The following RICTOR variants were observed in gnomAD, a reference collection of about 807,000 sequenced individuals.
RICTOR encodes the protein RPTOR independent companion of MTOR complex 2, also known as rapamycin-insensitive companion of mTOR.
RICTOR carries 49 observed loss-of-function variants against 214.9 expected under a neutral mutation model. The observed-to-expected ratio is 0.23, with a 90% CI of 0.18 to 0.29. The LOEUF (loss-of-function observed/expected upper bound fraction) is 0.29, where lower values mean the gene tolerates loss of function less well. Among genes scored for constraint, RICTOR ranks in the 10% least tolerant of loss-of-function variants. The probability of loss-of-function intolerance (pLI) is 1.00; values close to 1 mark genes in which losing one functional copy is unlikely to be tolerated. For missense variants in RICTOR, 1,625 were observed against 2,047.0 expected (o/e 0.79, Z 3.98); for synonymous variants, 717 against 711.3 (o/e 1.01, Z -0.13).
At chr5:38,974,632 T>C (rs1022669733) in intron 10 of RICTOR, among the ~76,000 whole-genome samples, 2 of 151,952 alleles carry the variant, frequency 1.3e-5, no homozygotes, top group African/African-American at 4.8e-5. Context: ...AAAAAGTATG[T>C]ATGACTGTTG....
At chr5:39,015,571 G>A (rs958587266) in intron 3 of RICTOR, among the ~76,000 whole-genome samples, 11 of 151,700 alleles carry the variant, frequency 7.3e-5, no homozygotes, top group African/African-American at 2.4e-4. Context: ...GGTAGAGGCC[G>A]GGGCAGTGCT....
At position 38,942,347 on chromosome 5, in the gene RICTOR, G is replaced by A. The variant is rs61748204; in HGVS notation, c.5084C>T (p.Thr1695Ile). The A allele has an allele frequency of 0.022, 35,818 of 1,596,302 alleles. 698 individuals are homozygous for A. The highest frequency in any genetic ancestry group is 0.079 in the South Asian group (6,981 of 87,854). The change falls in exon 38 of 38, where the codon ACA becomes ATA. Residue 1695 changes from threonine to isoleucine, a missense_variant. Transcript: ENST00000357387. Reference protein sequence around the residue: ...MHEEAEAVLATPPKQPIVDTS... With the variant: ...MHEEAEAVLAIPPKQPIVDTS... ...ATCAACTATAGGTTGCTTTGGTGGT[G>A]TTGCCAACACAGCCTCTGCTTCTTC...
In RICTOR at chr5:38,944,459, T is replaced by C. The variant is rs1402092115; in HGVS notation, c.4900A>G (p.Thr1634Ala). The change falls in exon 36 of 38, where the codon ACT (threonine) becomes GCT (alanine). Residue 1634 changes from threonine (T) to alanine (A), a missense_variant. Physicochemically the swap from Thr to Ala is moderately conservative, Grantham distance 58 (BLOSUM62 0). Coordinates refer to ENST00000357387, the MANE Select transcript of RICTOR (RefSeq NM_152756.5). Reference protein sequence around the residue: ...SSSVSTKCHETGLLTIKEKYP... With the variant: ...SSSVSTKCHEAGLLTIKEKYP... ...TAGTTTACTCACGTTAAAAGCCCAG[T>C]CTCATGACATTTAGTTGAAACTGAA... 5 of 1,605,190 alleles carry C rather than the reference T, an allele frequency of 3.1e-6. No individual in the cohort carries two copies. In the Admixed American group the frequency reaches 6.9e-5, roughly 22 times the overall value.
At position 39,047,345 on chromosome 5, in the gene RICTOR, G is replaced by C. The variant is rs148257559; in HGVS notation, c.98-26209C>G. On this transcript the variant is annotated intron_variant, in intron 2 of 37. Coordinates refer to ENST00000357387, the MANE Select transcript of RICTOR (RefSeq NM_152756.5). ...ACGACCTAGATCCCTCGCATGTGCAGTTCACAATAGGGTTCATGTTCCTAT... is the reference window on the plus strand; with the variant it reads ...ACGACCTAGATCCCTCGCATGTGCACTTCACAATAGGGTTCATGTTCCTAT... Among the ~76,000 whole-genome samples, 388 of 152,268 alleles carry C rather than the reference G, an allele frequency of 2.5e-3. 4 individuals are homozygous for C. Among genetic ancestry groups the C allele is most frequent in the Middle Eastern group, 0.01 (3 of 294 alleles).
At chr5:38,990,071 CA>C (rs906424820) in intron 7 of RICTOR, among the ~76,000 whole-genome samples, 1 of 152,026 alleles carries the variant, frequency 6.6e-6, no homozygotes, top group African/African-American at 2.4e-5. Context: ...GTTCACAATA[CA>C]AAAGGTTTGG....
At chr5:38,991,167 A>C (rs1580025468) in intron 6 of RICTOR, 92 bp from the exon 7 acceptor site, 2 of 707,886 alleles carry the variant, frequency 2.8e-6, no homozygotes, top group East Asian at 6.1e-5. Flanking sequence ...TAACAGAATA[A>C]GATCCAGAAT....
chr5:38,944,951 C>A lies in RICTOR; in HGVS notation c.4751G>T (p.Gly1584Val), dbSNP rs1579860120. The A allele has an allele frequency of 6.2e-7, 1 of 1,613,996 alleles. No individual in the cohort carries two copies. Among genetic ancestry groups the A allele is most frequent in the East Asian group, 2.2e-5 (1 of 44,862 alleles). The change falls in exon 35 of 38, where the codon GGC becomes GTC. Residue 1584 changes from glycine (G) to valine (V), a missense_variant. Physicochemically the swap from Gly to Val is moderately radical, Grantham distance 109. Coordinates refer to ENST00000357387, the MANE Select transcript of RICTOR (RefSeq NM_152756.5). ...SGCSDGVSQE[G>V]SASSTKSTEL... ...TGTGCTTTTGGTGCTGCTAGCTGAG[C>A]CTTCTTGAGACACCCCATCACTGCA...
At position 38,940,910 on chromosome 5, in the gene RICTOR, T is replaced by C; in HGVS notation, c.*1394A>G. ...TGCTATGACTGTGTCAAAACTGATG[T>C]GTAATTGTAATAAAAATGTTATACA... On this transcript the variant is annotated 3_prime_UTR_variant, in exon 38 of 38. Coordinates refer to ENST00000357387, the MANE Select transcript of RICTOR (RefSeq NM_152756.5). 4.3e-6 allele frequency: 1 copy of C among 232,500 alleles called. No homozygotes were observed. The highest frequency in any genetic ancestry group is 8.5e-6 in the Non-Finnish European group (1 of 117,564). The allele number at this position is 232,500 out of a possible 1,614,324, so 14.4% of individuals were successfully genotyped here.
At chr5:38,957,593 C>G in intron 25 of RICTOR, 59 bp downstream of exon 25, 1 of 919,194 alleles carries the variant, frequency 1.1e-6, no homozygotes. Flanking sequence ...TCTAAATTCA[C>G]AAATCAATTT....
chr5:38,975,448 G>T, intron 10 of RICTOR, 89 bp downstream of exon 10: 1 of 865,806 alleles, frequency 1.2e-6, no homozygotes, highest in Non-Finnish European at 1.9e-6. Context: ...ATTAGCATCT[G>T]AATTAGGTGC....
In RICTOR at chr5:38,964,797, C is replaced by T; in HGVS notation, c.1395G>A (p.Lys465=). The T allele has an allele frequency of 1.9e-6, 3 of 1,552,202 alleles. No homozygotes were observed. Among genetic ancestry groups the T allele is most frequent in the Non-Finnish European group, 2.7e-6 (3 of 1,129,928 alleles). Residue 465 remains lysine, a synonymous_variant, in exon 16 of 38, where the codon AAG becomes AAA. Coordinates refer to ENST00000357387, the MANE Select transcript of RICTOR (RefSeq NM_152756.5). The stretch of plus-strand genomic sequence containing the variant: ...GCTAAAGCTCTGATACTTACAGTCT[C>T]TTTTCCTTGGGGATATCAAAGGATG... ...MAASFDIPKE[K]RLRASAALNC... is the part of the protein sequence containing the mutation.
At chr5:38,945,185 T>C (rs776153360) in intron 34 of RICTOR, 117 bp from the exon 35 acceptor site, 43 of 778,212 alleles carry the variant, frequency 5.5e-5, no homozygotes, top group Middle Eastern at 3.4e-4. Flanking sequence ...GTATGCAATA[T>C]ACCAAACACT....
At chr5:39,049,725 A>G (rs2150184415) in intron 2 of RICTOR, among the ~76,000 whole-genome samples, 1 of 152,284 alleles carries the variant, frequency 6.6e-6, no homozygotes, top group Non-Finnish European at 1.5e-5. Context: ...AACTTCTTGA[A>G]ATAAAAATAT....
At chr5:39,050,488 T>G (rs902330698) in intron 2 of RICTOR, among the ~76,000 whole-genome samples, 6 of 152,044 alleles carry the variant, frequency 3.9e-5, no homozygotes, top group African/African-American at 1.4e-4. Context: ...AGGTGCACAC[T>G]GCCACACCCG....
intron 6 of RICTOR, among the ~76,000 whole-genome samples, chr5:38,994,452 A>AAAAAAAAAAGAGG (rs1753025350): frequency 1.0e-5 from 1 of 98,144 alleles, no homozygotes; most frequent in Admixed American, 1.1e-4. Context: ...AAAAAAAAAA[A>AAAAAAAAAAGAGG]GTGCTTCAGA....
rs559130971 is a variant in RICTOR at position 38,968,028 on chromosome 5, T to C, written c.975A>G (p.Arg325=). 1.9e-6 allele frequency: 3 copies of C among 1,584,912 alleles called. No homozygotes were observed. Among genetic ancestry groups the C allele is most frequent in the Non-Finnish European group, 2.6e-6 (3 of 1,154,232 alleles). ...VLCIPNMEIR[R]GLLEVLYDIF... ...TATCATAAAGCACTTCAAGTAGACC[T>C]CGCTAAATTAGCAAACAAATACACC... The change falls in exon 12 of 38, where the codon CGA becomes CGG. Residue 325 remains arginine (R), a splice_region_variant and synonymous_variant. Transcript: ENST00000357387.
rs536371433 is a variant in RICTOR at position 38,958,593 on chromosome 5, T to C, written c.2343+74A>G. ...ATTTTTAGTTCCAAAATGCCTATTATATACTTTTACATAATTGTCAAATGA... is the reference window on the plus strand; with the variant it reads ...ATTTTTAGTTCCAAAATGCCTATTACATACTTTTACATAATTGTCAAATGA... On this transcript the variant is annotated intron_variant, in intron 23 of 37. Coordinates refer to ENST00000357387, the MANE Select transcript of RICTOR (RefSeq NM_152756.5). 5.3e-6 allele frequency: 8 copies of C among 1,521,744 alleles called. No individual in the cohort carries two copies. In the South Asian group the frequency reaches 8.3e-5, roughly 16 times the overall value. 94.3% of individuals were successfully genotyped at this position (1,521,744 alleles called of 1,614,324 possible).
chr5:38,952,859 G>T, intron 29 of RICTOR, 126 bp downstream of exon 29: 1 of 590,230 alleles, frequency 1.7e-6, no homozygotes, highest in Non-Finnish European at 3.0e-6. Context: ...TAATAATCTT[G>T]TATCATTAGA....
chr5:38,969,359 A>C (rs1429050024), intron 11 of RICTOR, among the ~76,000 whole-genome samples: 1 of 152,150 alleles, frequency 6.6e-6, no homozygotes, highest in African/African-American at 2.4e-5. Flanking sequence ...AAAACCAAAA[A>C]AATTTTGAAC....
Sources: gnomAD v4.1 joint callset for allele counts (sites outside exome capture counted in the v4.1 genomes callset) on GRCh38, gnomAD v4.1.1 for gene constraint, MANE v1.5 for transcripts, NCBI Gene and HGNC (gene_info 2026-07-23, HGNC 2026-07-21) for gene names.